Variants in EML4 observed in about 807,000 individuals in gnomAD.
EML4 encodes the protein echinoderm microtubule-associated protein-like 4.
Under a neutral mutation model 129.0 loss-of-function variants are expected in EML4, and 72 were observed. That is an observed-to-expected ratio of 0.56 (90% CI 0.46 to 0.68). The LOEUF is 0.68. Among genes scored for constraint, EML4 ranks in the 30% least tolerant of loss-of-function variants. The pLI, the probability that EML4 is intolerant of heterozygous loss-of-function variation, is 0.00. For synonymous variants in EML4, 532 were observed against 405.0 expected (o/e 1.31, Z -3.77); for missense variants, 1,363 against 1,190.6 (o/e 1.14, Z -2.13).
At position 42,282,820 on chromosome 2, in the gene EML4, A is replaced by G. The variant is rs748896137; in HGVS notation, c.792-3A>G. The G allele has an allele frequency of 5.6e-6, 9 of 1,608,316 alleles. No individual in the cohort carries two copies. The highest frequency in any genetic ancestry group is 3.3e-5 in the South Asian group (3 of 90,214). On this transcript the variant is annotated splice_region_variant and splice_polypyrimidine_tract_variant and intron_variant, in intron 7 of 22. Coordinates refer to ENST00000318522, the MANE Select transcript of EML4 (RefSeq NM_019063.5). ...TTAAAACCTTGACTCTTTTTCTGTT[A>G]AGATATGGTTATCGAGGAAAGGACT...
chr2:42,272,718 G>A (rs1228124053), intron 6 of EML4, among the ~76,000 whole-genome samples: 4 of 152,120 alleles, frequency 2.6e-5, no homozygotes. Flanking sequence ...AAAAATACAC[G>A]TAATTTGAAT....
chr2:42,306,314 A>G (rs1668590679), intron 17 of EML4, among the ~76,000 whole-genome samples: 1 of 152,280 alleles, frequency 6.6e-6, no homozygotes, highest in African/African-American at 2.4e-5. Context: ...TTAAGCACAC[A>G]GGAAACCATC....
chr2:42,263,050 C>A, intron 4 of EML4, 128 bp from the exon 5 acceptor site: 1 of 741,920 alleles, frequency 1.3e-6, no homozygotes, highest in Non-Finnish European at 2.2e-6. Context: ...AGTCTTTCAA[C>A]TAATCCTTCT....
At chr2:42,194,474 G>A (rs918830681) in intron 1 of EML4, among the ~76,000 whole-genome samples, 4 of 148,484 alleles carry the variant, frequency 2.7e-5, no homozygotes, top group Non-Finnish European at 6.0e-5. Context: ...TACTTTTTTA[G>A]TGATATCTTT....
In EML4 at chr2:42,203,556, G is replaced by A. The variant is rs188297421; in HGVS notation, c.25+33920G>A. Among the ~76,000 whole-genome samples, 499 of 151,784 alleles carry A rather than the reference G, an allele frequency of 3.3e-3. 3 individuals are homozygous for A. Among genetic ancestry groups the A allele is most frequent in the African/African-American group, 0.011 (471 of 41,398 alleles). On this transcript the variant is annotated intron_variant, in intron 1 of 22. Coordinates refer to ENST00000318522, the MANE Select transcript of EML4 (RefSeq NM_019063.5). Reference sequence around the variant, plus strand: ...GACGGCATCATTACCTATGGAAGCAGTTATACAAGATGGCTAGTCTGGAAT... The same window carrying A: ...GACGGCATCATTACCTATGGAAGCAATTATACAAGATGGCTAGTCTGGAAT...
intron 1 of EML4, among the ~76,000 whole-genome samples, chr2:42,176,931 T>G (rs1448489876): frequency 6.6e-6 from 1 of 152,088 alleles, no homozygotes; most frequent in Non-Finnish European, 1.5e-5. Context: ...CTAGGTGGTG[T>G]TACAGGTGTA....
At chr2:42,257,273 T>C (rs1197502750) in intron 3 of EML4, among the ~76,000 whole-genome samples, 2 of 152,178 alleles carry the variant, frequency 1.3e-5, no homozygotes, top group Admixed American at 6.5e-5. Context: ...TTCCCCCTTT[T>C]GTAATTTCTA....
At chr2:42,299,476 A>G (rs1668152767) in intron 13 of EML4, among the ~76,000 whole-genome samples, 1 of 152,166 alleles carries the variant, frequency 6.6e-6, no homozygotes, top group Non-Finnish European at 1.5e-5. Flanking sequence ...CATCACCACT[A>G]TCTGACCTAA....
chr2:42,219,718 GAC>G, intron 1 of EML4, among the ~76,000 whole-genome samples: 1 of 152,020 alleles, frequency 6.6e-6, no homozygotes, highest in Admixed American at 6.6e-5. Flanking sequence ...AGGACTTCAA[GAC>G]CAGCCTGGCC....
chr2:42,298,311 G>A (rs1457675698), intron 13 of EML4, among the ~76,000 whole-genome samples: 1 of 152,170 alleles, frequency 6.6e-6, no homozygotes. Flanking sequence ...TGGAAGCTTT[G>A]TGTCTGTTAG....
chr2:42,289,396 A>G (rs1005059392), intron 11 of EML4: 9 of 152,128 alleles, frequency 5.9e-5, no homozygotes, highest in African/African-American at 2.2e-4. Flanking sequence ...CACTGATACT[A>G]TATGCTGCTC....
chr2:42,169,652 GA>G lies in EML4; in HGVS notation c.25+17del. On this transcript the variant is annotated intron_variant, in intron 1 of 22. Coordinates refer to ENST00000318522, the MANE Select transcript of EML4 (RefSeq NM_019063.5). ...GGCAGTCTCGGTGAGTACGGCTGGG[GA>G]GTCCTGCGTCTTCTGCGAAGGGTAG... 6.2e-7 allele frequency: 1 copy of G among 1,601,298 alleles called. No homozygotes were observed. Among genetic ancestry groups the G allele is most frequent in the Non-Finnish European group, 8.5e-7 (1 of 1,174,204 alleles).
chr2:42,197,116 C>T (rs1183216910), intron 1 of EML4, among the ~76,000 whole-genome samples: 1 of 152,142 alleles, frequency 6.6e-6, no homozygotes, highest in East Asian at 1.9e-4. Context: ...GTCACCCAGG[C>T]TGAAGTGCAG....
intron 2 of EML4, among the ~76,000 whole-genome samples, chr2:42,251,394 A>G (rs1675758144): frequency 6.6e-6 from 1 of 152,222 alleles, no homozygotes; most frequent in Non-Finnish European, 1.5e-5. Flanking sequence ...CCAGGTAACA[A>G]TTACTGTTTA....
intron 3 of EML4, among the ~76,000 whole-genome samples, chr2:42,258,372 T>A (rs1665483735): frequency 1.3e-5 from 2 of 148,946 alleles, no homozygotes; most frequent in Non-Finnish European, 3.0e-5. Context: ...TATAATTGTA[T>A]TTCTTTTTTT....
At chr2:42,281,037 G>C (rs912337933) in intron 7 of EML4, 64 bp downstream of exon 7, 3 of 1,246,632 alleles carry the variant, frequency 2.4e-6, no homozygotes, top group East Asian at 2.5e-5. Flanking sequence ...ATCAGTTAAC[G>C]TATTCTCTGT....
intron 1 of EML4, among the ~76,000 whole-genome samples, chr2:42,174,078 T>C (rs915656519): frequency 2.0e-5 from 3 of 152,202 alleles, no homozygotes; most frequent in Non-Finnish European, 4.4e-5. Flanking sequence ...TTTTTCTGTC[T>C]TATGTGTAAG....
chr2:42,217,257 ATCTTAGGGATACAGTCC>A (rs918801298), intron 1 of EML4, among the ~76,000 whole-genome samples: 2 of 152,160 alleles, frequency 1.3e-5, no homozygotes, highest in Non-Finnish European at 2.9e-5. Flanking sequence ...ACAAATTGTA[ATCTTAGGGATACAGTCC>A]TCCTGTACTG....
intron 19 of EML4, among the ~76,000 whole-genome samples, chr2:42,320,402 T>C (rs1167686126): frequency 6.6e-6 from 1 of 151,986 alleles, no homozygotes; most frequent in Non-Finnish European, 1.5e-5. Context: ...GGTACACCAA[T>C]TTTTTGTTAA....
Sources: allele counts gnomAD v4.1 joint callset (sites outside exome capture counted in the v4.1 genomes callset), GRCh38; gene constraint gnomAD v4.1.1; transcripts MANE v1.5; gene names NCBI Gene and HGNC (gene_info 2026-07-23, HGNC 2026-07-21).